Variants in CRACDL observed in about 807,000 individuals in gnomAD.
CRACDL encodes CRACD-like protein.
In CRACDL, 26 loss-of-function variants were observed where a neutral mutation model predicts 70.6. The observed-to-expected ratio is 0.37, with a 90% CI of 0.27 to 0.51. The LOEUF (loss-of-function observed/expected upper bound fraction) is 0.51. Ranked by LOEUF, CRACDL falls within the 20% of genes least tolerant of loss-of-function variation. The probability of loss-of-function intolerance (pLI) is 0.94; values close to 1 mark genes in which losing one functional copy is unlikely to be tolerated. For synonymous variants in CRACDL, 618 were observed against 615.2 expected, an observed-to-expected ratio of 1.00 and a Z score of -0.07; for missense variants, 1,283 against 1,376.9, an observed-to-expected ratio of 0.93 and a Z score of 1.08.
chr2:98,901,079 G>T (rs1027674773), intron 1 of CRACDL, among the ~76,000 whole-genome samples: 2 of 152,206 alleles, frequency 1.3e-5, no homozygotes, highest in African/African-American at 4.8e-5. Flanking sequence ...ACGTGGCTCT[G>T]CCAGCCCTGA....
chr2:98,795,077 A>ATATATATATATATATTTTTTT, intron 9 of CRACDL, among the ~76,000 whole-genome samples: 11 of 58,470 alleles, frequency 1.9e-4, no homozygotes, highest in Admixed American at 4.4e-4. Flanking sequence ...ATATATATAT[A>ATATATATATATATATTTTTTT]TTTTTTTTTT....
intron 7 of CRACDL, among the ~76,000 whole-genome samples, chr2:98,814,400 G>A (rs1326747582): frequency 6.6e-6 from 1 of 152,016 alleles, no homozygotes; most frequent in Non-Finnish European, 1.5e-5. Context: ...CATCCTCTTT[G>A]ATCCATGGAT....
At chr2:98,870,025 T>G (rs551128394) in intron 1 of CRACDL, among the ~76,000 whole-genome samples, 17 of 152,262 alleles carry the variant, frequency 1.1e-4, no homozygotes, top group African/African-American at 4.1e-4. Context: ...CCACCCCACG[T>G]GACACAGCCA....
chr2:98,797,293 G>C, intron 8 of CRACDL, 57 bp downstream of exon 8: 1 of 1,553,116 alleles, frequency 6.4e-7, no homozygotes, highest in Non-Finnish European at 8.8e-7. Context: ...CCTCGCCCCA[G>C]TCCCAGCTGG....
intron 1 of CRACDL, among the ~76,000 whole-genome samples, chr2:98,880,160 G>A (rs886475486): frequency 1.3e-5 from 2 of 152,208 alleles, no homozygotes; most frequent in African/African-American, 2.4e-5. Flanking sequence ...TATGTTGGAC[G>A]CAGCACTGGG....
chr2:98,930,158 A>G (rs1709035697), intron 1 of CRACDL, among the ~76,000 whole-genome samples: 1 of 152,142 alleles, frequency 6.6e-6, no homozygotes. Flanking sequence ...GTCTTGGCCC[A>G]GGGCACCTCC....
intron 7 of CRACDL, among the ~76,000 whole-genome samples, chr2:98,810,404 T>C (rs1414804476): frequency 6.6e-6 from 1 of 152,132 alleles, no homozygotes; most frequent in Non-Finnish European, 1.5e-5. Context: ...GCAATGCGAA[T>C]TTTTAAAGAG....
At chr2:98,840,496 G>A (rs1705979777) in intron 2 of CRACDL, among the ~76,000 whole-genome samples, 1 of 152,142 alleles carries the variant, frequency 6.6e-6, no homozygotes, top group Admixed American at 6.6e-5. Flanking sequence ...ATGTCAATTA[G>A]AACAAAATCT....
intron 1 of CRACDL, among the ~76,000 whole-genome samples, chr2:98,884,053 G>C (rs1005618715): frequency 6.6e-6 from 1 of 152,158 alleles, no homozygotes; most frequent in African/African-American, 2.4e-5. Context: ...GGGGGGATGG[G>C]GCAGGAGCGG....
At chr2:98,868,207 A>G (rs1243486958) in intron 1 of CRACDL, among the ~76,000 whole-genome samples, 1 of 152,202 alleles carries the variant, frequency 6.6e-6, no homozygotes, top group Non-Finnish European at 1.5e-5. Flanking sequence ...GTAACAAACG[A>G]AAGTGAGGCT....
intron 1 of CRACDL, chr2:98,897,408 T>C (rs962696647): frequency 2.3e-6 from 3 of 1,303,686 alleles, no homozygotes; most frequent in African/African-American, 3.0e-5. Flanking sequence ...AAAGAAATCA[T>C]CTCAGTCACA....
intron 1 of CRACDL, among the ~76,000 whole-genome samples, chr2:98,932,553 G>A (rs1371489914): frequency 2.0e-5 from 3 of 152,164 alleles, no homozygotes; most frequent in African/African-American, 2.4e-5. Context: ...TAGGAACGGT[G>A]GTTTGGAAGA....
At chr2:98,845,789 T>C (rs1451598708) in intron 2 of CRACDL, among the ~76,000 whole-genome samples, 1 of 152,228 alleles carries the variant, frequency 6.6e-6, no homozygotes, top group Non-Finnish European at 1.5e-5. Context: ...CTCAATTTTT[T>C]TTCAGGGCTC....
chr2:98,926,367 A>T (rs1386227791), intron 1 of CRACDL, among the ~76,000 whole-genome samples: 1 of 152,306 alleles, frequency 6.6e-6, no homozygotes, highest in East Asian at 1.9e-4. Context: ...ACCTCAACTG[A>T]GAGGGGGCTG....
chr2:98,819,815 C>CTTTTTTTTT (rs34640405), intron 7 of CRACDL, among the ~76,000 whole-genome samples: 3 of 99,032 alleles, frequency 3.0e-5, no homozygotes, highest in African/African-American at 4.3e-5. Flanking sequence ...CTGAAACATT[C>CTTTTTTTTT]TTTTTTTTTT....
At chr2:98,833,188 A>G (rs1245639809) in intron 3 of CRACDL, among the ~76,000 whole-genome samples, 191 bp from the exon 4 acceptor site, 1 of 152,286 alleles carries the variant, frequency 6.6e-6, no homozygotes, top group Non-Finnish European at 1.5e-5. Context: ...TATTTGGAGC[A>G]TTGCAGAGAT....
intron 1 of CRACDL, among the ~76,000 whole-genome samples, chr2:98,850,196 C>T (rs4851162): frequency 2.0e-5 from 3 of 151,738 alleles, no homozygotes; most frequent in East Asian, 1.9e-4. Context: ...TGATCCCCAC[C>T]GCCCAATGGG....
intron 1 of CRACDL, among the ~76,000 whole-genome samples, chr2:98,882,477 T>C (rs1380002143): frequency 6.6e-6 from 1 of 152,188 alleles, no homozygotes; most frequent in Non-Finnish European, 1.5e-5. Context: ...AGAATATTTC[T>C]TTTCTGCTGG....
At chr2:98,926,622 C>T (rs1272505555) in intron 1 of CRACDL, among the ~76,000 whole-genome samples, 1 of 152,106 alleles carries the variant, frequency 6.6e-6, no homozygotes, top group African/African-American at 2.4e-5. Context: ...CGCTGAACAC[C>T]GAAAATACAA....
Sources: allele counts gnomAD v4.1 joint callset (sites outside exome capture counted in the v4.1 genomes callset), GRCh38; gene constraint gnomAD v4.1.1; transcripts MANE v1.5; gene names NCBI Gene and HGNC (gene_info 2026-07-23, HGNC 2026-07-21).